C3orf70: variants seen among roughly 807,000 people sequenced by gnomAD.
The protein encoded by C3orf70 is UPF0524 protein C3orf70.
A neutral mutation model predicts 20.7 loss-of-function variants in C3orf70; 15 were observed. The observed-to-expected ratio is 0.72, with a 90% CI of 0.48 to 1.11. The LOEUF (loss-of-function observed/expected upper bound fraction) is 1.11. Among genes scored for constraint, C3orf70 ranks in the 50% most tolerant of loss-of-function variants. The probability of loss-of-function intolerance (pLI) is 0.00; values close to 1 mark genes in which losing one functional copy is unlikely to be tolerated. For missense variants in C3orf70, 332 were observed against 317.6 expected (o/e 1.05, Z -0.34); for synonymous variants, 161 against 125.7 (o/e 1.28, Z -1.88).
intron 1 of C3orf70, among the ~76,000 whole-genome samples, chr3:185,104,726 CAG>C (rs1715890100): frequency 6.6e-6 from 1 of 152,104 alleles, no homozygotes; most frequent in African/African-American, 2.4e-5. Flanking sequence ...AATGCAGAAA[CAG>C]AAAACCAAAT....
intron 1 of C3orf70, among the ~76,000 whole-genome samples, chr3:185,099,682 C>T (rs529462660): frequency 1.3e-5 from 2 of 151,950 alleles, no homozygotes; most frequent in Admixed American, 1.3e-4. Context: ...CAGCTAACAG[C>T]ATGATAGCAG....
chr3:185,143,981 AACACAC>A (rs34762767), intron 1 of C3orf70, among the ~76,000 whole-genome samples: 6,257 of 148,880 alleles, frequency 0.042, 412 homozygotes, highest in African/African-American at 0.15. Flanking sequence ...TTCTATGGTA[AACACAC>A]ACACACACAC....
At chr3:185,088,342 G>C (rs1040007924) in intron 1 of C3orf70, among the ~76,000 whole-genome samples, 3 of 152,134 alleles carry the variant, frequency 2.0e-5, no homozygotes, top group Admixed American at 2.0e-4. Context: ...AAGGGGTGTG[G>C]CTACATAAGA....
intron 1 of C3orf70, among the ~76,000 whole-genome samples, chr3:185,148,265 C>G (rs36001834): frequency 6.6e-6 from 1 of 152,092 alleles, no homozygotes; most frequent in African/African-American, 2.4e-5. Flanking sequence ...AATTGCCTAC[C>G]GACATCACCA....
chr3:185,088,060 C>T (rs569333404), intron 1 of C3orf70, among the ~76,000 whole-genome samples: 4 of 152,000 alleles, frequency 2.6e-5, no homozygotes, highest in South Asian at 2.1e-4. Flanking sequence ...TACAGGCATG[C>T]GCCACCATGC....
chr3:185,083,055 G>T lies in C3orf70; in HGVS notation c.705C>A (p.Pro235=). 2 of 1,614,146 alleles carry T rather than the reference G, an allele frequency of 1.2e-6. No homozygotes were observed. The highest frequency in any genetic ancestry group is 1.7e-6 in the Non-Finnish European group (2 of 1,180,032). The part of the protein sequence containing the change: ...WEPDECTLLS[P]SQSDLEVIET... The stretch of plus-strand genomic sequence containing the variant: ...CAATCACTTCCAGGTCAGACTGCGA[G>T]GGGGAGAGAAGGGTGCACTCATCCG... Residue 235 remains proline, a synonymous_variant, in exon 2 of 2, where the codon CCC becomes CCA. Coordinates refer to ENST00000335012, the MANE Select transcript of C3orf70 (RefSeq NM_001025266.3).
At chr3:185,092,989 CAAA>C (rs35779843) in intron 1 of C3orf70, among the ~76,000 whole-genome samples, 53 of 129,916 alleles carry the variant, frequency 4.1e-4, no homozygotes, top group Admixed American at 3.8e-4. Flanking sequence ...GACTCCATCT[CAAA>C]AAAAAAAAAA....
At chr3:185,146,583 C>T (rs1004162546) in intron 1 of C3orf70, among the ~76,000 whole-genome samples, 8 of 152,240 alleles carry the variant, frequency 5.3e-5, no homozygotes, top group Admixed American at 4.6e-4. Context: ...CCACCATGCC[C>T]GGCAGAACCC....
At chr3:185,128,014 C>T (rs1561358202) in intron 1 of C3orf70, among the ~76,000 whole-genome samples, 1 of 152,138 alleles carries the variant, frequency 6.6e-6, no homozygotes, top group Non-Finnish European at 1.5e-5. Context: ...AACTGCAAAG[C>T]AGAAACTAAT....
chr3:185,140,642 T>C (rs1346817295), intron 1 of C3orf70, among the ~76,000 whole-genome samples: 1 of 151,610 alleles, frequency 6.6e-6, no homozygotes, highest in Non-Finnish European at 1.5e-5. Context: ...ATGAATGGGA[T>C]TAGGGCCCTT....
At chr3:185,108,395 G>T (rs1186696846) in intron 1 of C3orf70, among the ~76,000 whole-genome samples, 1 of 152,152 alleles carries the variant, frequency 6.6e-6, no homozygotes, top group Non-Finnish European at 1.5e-5. Context: ...TTCATACGTG[G>T]TTCATGCCAC....
intron 1 of C3orf70, among the ~76,000 whole-genome samples, chr3:185,151,127 T>C (rs964818462): frequency 5.9e-5 from 9 of 152,200 alleles, no homozygotes; most frequent in Non-Finnish European, 8.8e-5. Flanking sequence ...AGAAAGAAGT[T>C]AGAAAGTAAC....
intron 1 of C3orf70, among the ~76,000 whole-genome samples, chr3:185,114,774 A>C (rs1297784789): frequency 6.6e-6 from 1 of 152,252 alleles, no homozygotes; most frequent in East Asian, 1.9e-4. Flanking sequence ...CGAATGACTT[A>C]ATAAGCTAAC....
chr3:185,148,130 C>T (rs1299004169), intron 1 of C3orf70, among the ~76,000 whole-genome samples: 3 of 152,198 alleles, frequency 2.0e-5, no homozygotes, highest in Non-Finnish European at 4.4e-5. Flanking sequence ...TTACTTCTCA[C>T]GCTACAGTCT....
At position 185,152,713 on chromosome 3, in the gene C3orf70, C is replaced by G. The variant is rs757919965; in HGVS notation, c.111G>C (p.Pro37=). The change falls in exon 1 of 2, where the codon CCG becomes CCC. Residue 37 remains proline (P), a synonymous_variant. Coordinates refer to ENST00000335012, the MANE Select transcript of C3orf70 (RefSeq NM_001025266.3). ...SCAARRPDFQ[P]CDGLSICATH... is the part of the protein sequence containing the mutation. ...TGGCACAGATAGACAGCCCGTCGCA[C>G]GGCTGGAAGTCGGGTCTGCGGGCGG... 3 of 1,593,394 alleles carry G rather than the reference C, an allele frequency of 1.9e-6. No homozygotes were observed. The highest frequency in any genetic ancestry group is 2.6e-6 in the Non-Finnish European group (3 of 1,170,634).
chr3:185,095,568 A>T (rs1271828766), intron 1 of C3orf70, among the ~76,000 whole-genome samples: 1 of 152,218 alleles, frequency 6.6e-6, no homozygotes, highest in Non-Finnish European at 1.5e-5. Flanking sequence ...ATTTAAGAAA[A>T]AGAAGATCTT....
At chr3:185,146,631 C>A (rs1033904384) in intron 1 of C3orf70, among the ~76,000 whole-genome samples, 8 of 152,138 alleles carry the variant, frequency 5.3e-5, no homozygotes, top group Admixed American at 2.0e-4. Flanking sequence ...CTTTTCCAAC[C>A]AAACTACCAC....
intron 1 of C3orf70, among the ~76,000 whole-genome samples, chr3:185,130,114 C>T (rs1379269264): frequency 6.6e-6 from 1 of 152,138 alleles, no homozygotes. Context: ...CAATTATTCA[C>T]AAATTCATCC....
chr3:185,117,344 T>A (rs1045378459), intron 1 of C3orf70, among the ~76,000 whole-genome samples: 1 of 145,170 alleles, frequency 6.9e-6, no homozygotes, highest in African/African-American at 2.4e-5. Context: ...GTAAGATCTG[T>A]GAGAAATCTT....
Sources: allele counts gnomAD v4.1 joint callset (sites outside exome capture counted in the v4.1 genomes callset), GRCh38; gene constraint gnomAD v4.1.1; transcripts MANE v1.5; gene names NCBI Gene and HGNC (gene_info 2026-07-23, HGNC 2026-07-21).